Variants in SH2B3 observed in about 807,000 individuals in gnomAD.
SH2B3 encodes SH2B adapter protein 3.
Under a neutral mutation model 51.9 loss-of-function variants are expected in SH2B3, and 43 were observed. The observed-to-expected ratio is 0.83, with a 90% CI of 0.65 to 1.07. The LOEUF is 1.07. Among genes scored for constraint, SH2B3 ranks in the 50% least tolerant of loss-of-function variants. The pLI, the probability that SH2B3 is intolerant of heterozygous loss-of-function variation, is 0.00. For missense variants in SH2B3, 952 were observed against 834.3 expected, an observed-to-expected ratio of 1.14 and a Z score of -1.74; for synonymous variants, 396 against 376.0, an observed-to-expected ratio of 1.05 and a Z score of -0.62.
rs201102821 is a variant in SH2B3 at position 111,448,220 on chromosome 12, G to A, written c.1646G>A (p.Arg549Gln). Residue 549 changes from arginine (R) to glutamine (Q), a missense_variant, in exon 8 of 8, where the codon CGA becomes CAA. Coordinates refer to ENST00000341259, the MANE Select transcript of SH2B3 (RefSeq NM_005475.3). ...CACCTGGAGCATGAGCCTGTGAATC[G>A]AGCCCGGGACTCGGACTACGAAATG... ...LQHLEHEPVN[R>Q]ARDSDYEMDS... The A allele has an allele frequency of 8.7e-6, 14 of 1,614,094 alleles. No individual in the cohort carries two copies. The highest frequency in any genetic ancestry group is 2.7e-5 in the African/African-American group (2 of 75,022).
rs1334864680 is a variant in SH2B3, at chr12:111,447,550, G to T, written c.1236+6G>T. 2 of 886,576 alleles carry T rather than the reference G, an allele frequency of 2.3e-6. No homozygotes were observed. The highest frequency in any genetic ancestry group is 1.4e-6 in the Non-Finnish European group (1 of 715,496). The allele number at this position is 886,576 out of a possible 1,614,324, so 54.9% of individuals were successfully genotyped here. ...ACTTTCAGGGGATAGCCAAGGTATGGGGTGGGGTGGGGTGGGGTGGGGCAG... is the reference window on the plus strand; with the variant it reads ...ACTTTCAGGGGATAGCCAAGGTATGTGGTGGGGTGGGGTGGGGTGGGGCAG... On this transcript the variant is annotated splice_donor_region_variant and intron_variant, in intron 6 of 7. Transcript: ENST00000341259.
rs1593061664 is a variant in SH2B3, at chr12:111,435,697, C to T, written c.733-11056C>T. On this transcript the variant is annotated intron_variant, in intron 2 of 7. Transcript: ENST00000341259. The surrounding 1 kb of genome is among the most constrained non-coding windows in gnomAD (Gnocchi z 4.8). ...TGCCCCCTCCCTGCCAAGGGAGCTGCTTGCTCTCCCTTCTGTCTGGAGGCC... is the reference window on the plus strand; with the variant it reads ...TGCCCCCTCCCTGCCAAGGGAGCTGTTTGCTCTCCCTTCTGTCTGGAGGCC... Among the ~76,000 whole-genome samples, 1 of 152,294 alleles carries T rather than the reference C, an allele frequency of 6.6e-6. No individual in the cohort carries two copies. The highest frequency in any genetic ancestry group is 1.9e-4 in the East Asian group (1 of 5,180).
rs954321411 is a variant in SH2B3 at position 111,435,633 on chromosome 12, A to G, written c.733-11120A>G. ...CTTGACCTCCCAAAGTGCTCGTTAC[A>G]GGCGTGAACAACCCCCACCCACTGC... On this transcript the variant is annotated intron_variant, in intron 2 of 7. Coordinates refer to ENST00000341259, the MANE Select transcript of SH2B3 (RefSeq NM_005475.3). The surrounding 1 kb of genome is among the most constrained non-coding windows in gnomAD (Gnocchi z 4.8). Among the ~76,000 whole-genome samples the G allele has an allele frequency of 6.6e-6, 1 of 152,110 alleles. No individual in the cohort carries two copies. The highest frequency in any genetic ancestry group is 2.4e-5 in the African/African-American group (1 of 41,414).
intron 2 of SH2B3, among the ~76,000 whole-genome samples, chr12:111,436,700 G>A (rs1872906815): frequency 6.6e-6 from 1 of 152,056 alleles, no homozygotes; most frequent in Non-Finnish European, 1.5e-5. Context: ...CATCTGAAAG[G>A]GGCTCTGTGT....
chr12:111,409,210 C>T lies in SH2B3; in HGVS notation c.-28+2933C>T, dbSNP rs1870483591. The stretch of plus-strand genomic sequence containing the variant: ...GCTGTACTTGCTCTGGCTGTGTGAT[C>T]TTGGGCTGGTCCCTTAGCCTCTCTG... On this transcript the variant is annotated intron_variant, in intron 1 of 7. Coordinates refer to ENST00000341259, the MANE Select transcript of SH2B3 (RefSeq NM_005475.3). This position sits in a 1 kb window ranked among gnomAD's most constrained non-coding sequence, Gnocchi z 4.0. 6.6e-6 allele frequency among the ~76,000 whole-genome samples: 1 copy of T among 152,172 alleles called. No homozygotes were observed. The highest frequency in any genetic ancestry group is 1.5e-5 in the Non-Finnish European group (1 of 68,026).
chr12:111,409,502 C>T lies in SH2B3; in HGVS notation c.-28+3225C>T, dbSNP rs1870514234. ...GGCAGACCGGAGACGCCTGCCTCGGCGAGTCCAGAGGTGCAGTGCTAGCTG... is the reference window on the plus strand; with the variant it reads ...GGCAGACCGGAGACGCCTGCCTCGGTGAGTCCAGAGGTGCAGTGCTAGCTG... On this transcript the variant is annotated intron_variant, in intron 1 of 7. Transcript: ENST00000341259. This position sits in a 1 kb window ranked among gnomAD's most constrained non-coding sequence, Gnocchi z 4.0. 6.6e-6 allele frequency among the ~76,000 whole-genome samples: 1 copy of T among 152,188 alleles called. No individual in the cohort carries two copies. Among genetic ancestry groups the T allele is most frequent in the Non-Finnish European group, 1.5e-5 (1 of 68,022 alleles).
chr12:111,416,910 T>A (rs1218263821), intron 1 of SH2B3, among the ~76,000 whole-genome samples: 1 of 152,178 alleles, frequency 6.6e-6, no homozygotes, highest in Non-Finnish European at 1.5e-5. Flanking sequence ...CAATTCTGAT[T>A]CCTCCCCAGA....
chr12:111,425,795 C>A (rs1283782228), intron 2 of SH2B3, among the ~76,000 whole-genome samples: 3 of 152,088 alleles, frequency 2.0e-5, no homozygotes, highest in African/African-American at 7.2e-5. Flanking sequence ...CTCTAGAGAC[C>A]TCCTTCCCCT....
In SH2B3 at chr12:111,409,080, C is replaced by T. The variant is rs981882684; in HGVS notation, c.-28+2803C>T. 5.9e-5 allele frequency among the ~76,000 whole-genome samples: 9 copies of T among 152,184 alleles called. No homozygotes were observed. The highest frequency in any genetic ancestry group is 2.2e-4 in the African/African-American group (9 of 41,426). Reference sequence around the variant, plus strand: ...CAGGTGTGAGGTCCTAGGCAGGTTACCTGGCTTCTCTGATCTGGACCTCGC... The same window carrying T: ...CAGGTGTGAGGTCCTAGGCAGGTTATCTGGCTTCTCTGATCTGGACCTCGC... On this transcript the variant is annotated intron_variant, in intron 1 of 7. Coordinates refer to ENST00000341259, the MANE Select transcript of SH2B3 (RefSeq NM_005475.3). The surrounding 1 kb of genome is among the most constrained non-coding windows in gnomAD (Gnocchi z 4.0).
At chr12:111,446,115 C>T (rs1229132101) in intron 2 of SH2B3, among the ~76,000 whole-genome samples, 3 of 152,214 alleles carry the variant, frequency 2.0e-5, no homozygotes, top group Non-Finnish European at 1.5e-5. Flanking sequence ...AGTCTTATCA[C>T]AAGAGGAAGG....
intron 4 of SH2B3, 45 bp downstream of exon 4, chr12:111,447,078 C>T (rs775431285): frequency 4.4e-6 from 7 of 1,607,832 alleles, no homozygotes; most frequent in African/African-American, 4.0e-5. Context: ...TTGCTGCTAC[C>T]ACCCCTGACC....
chr12:111,450,856 C>T lies in SH2B3; in HGVS notation c.*2554C>T, dbSNP rs1388641180. The T allele has an allele frequency of 6.6e-6, 1 of 152,302 alleles. No individual in the cohort carries two copies. Among genetic ancestry groups the T allele is most frequent in the Admixed American group, 6.5e-5 (1 of 15,290 alleles). 9.4% of individuals were successfully genotyped at this position (152,302 alleles called of 1,614,324 possible). On this transcript the variant is annotated 3_prime_UTR_variant, in exon 8 of 8. Transcript: ENST00000341259. ...TGGGCAGCAGTGTGGGGCAGGCACC[C>T]CACTGGCTGCAGCTAGCCCACCATA...
At chr12:111,444,630 A>G in intron 2 of SH2B3, 1 of 514,868 alleles carries the variant, frequency 1.9e-6, no homozygotes, top group Non-Finnish European at 2.5e-6. Flanking sequence ...GAGGGAACCT[A>G]AAGCCCCCAC....
At chr12:111,405,417 C>G (rs1384925813), upstream of SH2B3, among the ~76,000 whole-genome samples, 2 of 152,194 alleles carry the variant, frequency 1.3e-5, no homozygotes, top group Non-Finnish European at 2.9e-5. This position sits in a 1 kb window ranked among gnomAD's most constrained non-coding sequence, Gnocchi z 5.4. Flanking sequence ...AAGCCGTGGT[C>G]GCTATTGCAC....
At chr12:111,437,626 T>C (rs1348079271) in intron 2 of SH2B3, among the ~76,000 whole-genome samples, 1 of 152,016 alleles carries the variant, frequency 6.6e-6, no homozygotes, top group Admixed American at 6.5e-5. Context: ...ATTTGAAGGG[T>C]CTGTGAAGGA....
At position 111,448,294 on chromosome 12, in the gene SH2B3, C is replaced by T. The variant is rs1265718289; in HGVS notation, c.1720C>T (p.Pro574Ser). 4 of 1,597,790 alleles carry T rather than the reference C, an allele frequency of 2.5e-6. No homozygotes were observed. The East Asian group carries it at 6.7e-5, about 27-fold the overall frequency. ...HLRAIDNQYTPL is the reference protein window; with the variant it reads ...HLRAIDNQYTSL ...GCGGGCCATAGACAATCAGTACACA[C>T]CTCTCTGACCAGTGAGGAATTCCAG... The change falls in exon 8 of 8, where the codon CCT (proline) becomes TCT (serine). Residue 574 changes from proline (P) to serine (S), a missense_variant. Pro to Ser is a moderately conservative substitution (Grantham distance 74). Transcript: ENST00000341259.
chr12:111,432,116 ATTCT>A (rs1381596715), intron 2 of SH2B3, among the ~76,000 whole-genome samples: 2 of 133,566 alleles, frequency 1.5e-5, no homozygotes, highest in Admixed American at 7.3e-5. Flanking sequence ...ATTTTTCTGT[ATTCT>A]TTTTTTTTTT....
rs538337468 is a variant in SH2B3, at chr12:111,429,780, G to A, written c.732+10903G>A. On this transcript the variant is annotated intron_variant, in intron 2 of 7. Transcript: ENST00000341259. The surrounding 1 kb of genome is among the most constrained non-coding windows in gnomAD (Gnocchi z 4.4). ...CACAGAGAGGTCCAGAAACTTGCCCGAGGCCCCAGAGCTGGTAGGTGGCCA... is the reference window on the plus strand; with the variant it reads ...CACAGAGAGGTCCAGAAACTTGCCCAAGGCCCCAGAGCTGGTAGGTGGCCA... Among the ~76,000 whole-genome samples, 4 of 152,326 alleles carry A rather than the reference G, an allele frequency of 2.6e-5. No homozygotes were observed. The South Asian group carries it at 6.2e-4, about 24-fold the overall frequency.
Position 111,418,724 on chromosome 12 carries a change from C to T in SH2B3, c.579C>T (p.Pro193=), listed in dbSNP as rs1384754966. The T allele has an allele frequency of 1.3e-6, 2 of 1,485,440 alleles. No homozygotes were observed. The highest frequency in any genetic ancestry group is 1.3e-5 in the South Asian group (1 of 79,796). The allele number at this position is 1,485,440 out of a possible 1,614,324, so 92.0% of individuals were successfully genotyped here. A position where few individuals can be genotyped will look rare whatever the true frequency, so the allele number is the denominator to read the frequency against. The change falls in exon 2 of 8, where the codon CCC becomes CCT. Residue 193 remains proline (P), a synonymous_variant. Transcript: ENST00000341259. This position sits in a 1 kb window ranked among gnomAD's most constrained non-coding sequence, Gnocchi z 6.7. ...GGAGCCTGGCCCGGGAGCCGCCACC[C>T]GAGGCGCTGAAGGAGGCGGTGCTGC... The part of the protein sequence containing the change: ...LPWSLAREPP[P]EALKEAVLRY...
Sources: gnomAD v4.1 joint callset for allele counts (sites outside exome capture counted in the v4.1 genomes callset) on GRCh38, gnomAD v4.1.1 for gene constraint, Gnocchi (gnomAD v3.1) non-coding constraint, MANE v1.5 for transcripts, NCBI Gene and HGNC (gene_info 2026-07-23, HGNC 2026-07-21) for gene names.